Variants in FHIP2A observed in about 807,000 individuals in gnomAD.
The protein encoded by FHIP2A is family with sequence similarity 160 member B1.
FHIP2A carries 46 observed loss-of-function variants against 93.5 expected under a neutral mutation model. The observed-to-expected ratio is 0.49, with a 90% CI of 0.39 to 0.63. The LOEUF (loss-of-function observed/expected upper bound fraction) is 0.63. Ranked by LOEUF, FHIP2A falls within the 20% of genes least tolerant of loss-of-function variation. FHIP2A has a pLI of 0.00. For synonymous variants in FHIP2A, 332 were observed against 326.5 expected, an observed-to-expected ratio of 1.02 and a Z score of -0.18; for missense variants, 769 against 909.7, an observed-to-expected ratio of 0.85 and a Z score of 1.99.
At chr10:114,860,667 A>T (rs564978014) in intron 14 of FHIP2A, 82 bp from the exon 15 acceptor site, 8 of 1,213,870 alleles carry the variant, frequency 6.6e-6, no homozygotes, top group African/African-American at 3.0e-5. Context: ...CTCCTTTCTT[A>T]AAAGAACAAA....
chr10:114,880,099 C>T (rs2083909396), intron 16 of FHIP2A, among the ~76,000 whole-genome samples: 1 of 152,200 alleles, frequency 6.6e-6, no homozygotes, highest in Admixed American at 6.5e-5. Flanking sequence ...AACTCACACA[C>T]TTCACTATAC....
chr10:114,891,572 T>TGTGC (rs764864142), intron 16 of FHIP2A, among the ~76,000 whole-genome samples: 36 of 143,896 alleles, frequency 2.5e-4, no homozygotes, highest in African/African-American at 7.6e-4. Context: ...TGTGTGTGTG[T>TGTGC]GCACGCGTAT....
downstream of FHIP2A, chr10:114,864,795 A>T (rs2083820432): frequency 1.2e-5 from 8 of 662,394 alleles, no homozygotes; most frequent in Middle Eastern, 7.6e-4. Flanking sequence ...AACTTTTTGC[A>T]CCCCCAGCAC....
At chr10:114,886,125 C>T (rs938771154) in intron 16 of FHIP2A, among the ~76,000 whole-genome samples, 2 of 152,154 alleles carry the variant, frequency 1.3e-5, no homozygotes, top group East Asian at 3.8e-4. Context: ...GGAATTAACA[C>T]TTATGAAGAG....
At position 114,838,119 on chromosome 10, in the gene FHIP2A, A is replaced by G. The variant is rs2083646850; in HGVS notation, c.522+1873A>G. 2.0e-5 allele frequency among the ~76,000 whole-genome samples: 3 copies of G among 152,200 alleles called. No homozygotes were observed. The South Asian group carries it at 6.2e-4, about 32-fold the overall frequency. On this transcript the variant is annotated intron_variant, in intron 5 of 16. Coordinates refer to ENST00000369248, the MANE Select transcript of FHIP2A (RefSeq NM_020940.4). ...TTCCCAAGTGGCTTTGTCATTTTGC[A>G]TCCCATCAACAGTGTACGTGAGCTC...
In FHIP2A at chr10:114,846,757, A is replaced by G. The variant is rs753496756; in HGVS notation, c.1568+29A>G. The G allele has an allele frequency of 4.5e-6, 7 of 1,551,850 alleles. No homozygotes were observed. In the East Asian group the frequency reaches 1.1e-4, roughly 25 times the overall value. ...AGTTTCCATCCAACTCCGTGAGTTC[A>G]GCATTTCATGTAGAGATAGAACTTT... On this transcript the variant is annotated intron_variant, in intron 11 of 16. Coordinates refer to ENST00000369248, the MANE Select transcript of FHIP2A (RefSeq NM_020940.4).
chr10:114,847,014 C>T, intron 11 of FHIP2A, 76 bp from the exon 12 acceptor site: 1 of 1,274,476 alleles, frequency 7.8e-7, no homozygotes, highest in Middle Eastern at 1.9e-4. Flanking sequence ...TTTCTAAGAA[C>T]ATAGCAGAGA....
At chr10:114,853,656 A>G (rs1426570335) in intron 13 of FHIP2A, among the ~76,000 whole-genome samples, 2 of 152,252 alleles carry the variant, frequency 1.3e-5, no homozygotes, top group Admixed American at 1.3e-4. Flanking sequence ...GCTATAAGAA[A>G]TTATAAGTCA....
downstream of FHIP2A, among the ~76,000 whole-genome samples, chr10:114,868,153 T>C (rs571960113): frequency 2.6e-5 from 4 of 152,150 alleles, no homozygotes; most frequent in African/African-American, 7.2e-5. Flanking sequence ...TTTTATATGA[T>C]GACCTTCCTC....
At chr10:114,879,589 C>T (rs964108304) in intron 16 of FHIP2A, among the ~76,000 whole-genome samples, 2 of 152,136 alleles carry the variant, frequency 1.3e-5, no homozygotes, top group African/African-American at 4.8e-5. Context: ...AAGTGGCATT[C>T]CCCTTTCTTG....
chr10:114,823,744 C>T (rs1277411152), intron 1 of FHIP2A, among the ~76,000 whole-genome samples: 4 of 151,656 alleles, frequency 2.6e-5, no homozygotes, highest in African/African-American at 7.3e-5. Flanking sequence ...AGTGATCGCC[C>T]GCCTTGGCCT....
intron 16 of FHIP2A, among the ~76,000 whole-genome samples, chr10:114,896,600 C>G (rs577381666): frequency 5.3e-5 from 8 of 152,204 alleles, no homozygotes; most frequent in Non-Finnish European, 1.2e-4. Context: ...AGAATGCAAC[C>G]GTTTGTGTTT....
intron 2 of FHIP2A, among the ~76,000 whole-genome samples, chr10:114,832,440 T>C (rs996108861): frequency 3.3e-5 from 5 of 152,160 alleles, no homozygotes; most frequent in Admixed American, 3.3e-4. Flanking sequence ...AGTAACGTAG[T>C]AGCAATCCAA....
chr10:114,848,663 C>T lies in FHIP2A; in HGVS notation c.1729C>T (p.Pro577Ser). 1 of 1,609,724 alleles carries T rather than the reference C, an allele frequency of 6.2e-7. No individual in the cohort carries two copies. The highest frequency in any genetic ancestry group is 8.5e-7 in the Non-Finnish European group (1 of 1,177,318). The change falls in exon 13 of 17, where the codon CCG (proline) becomes TCG (serine). Residue 577 changes from proline (P) to serine (S), a missense_variant. Transcript: ENST00000369248. ...TCATTTAAGTTTTCTCTGTCTGGTACCGGATGACGCAAAATCCTCCTACCA... is the reference window on the plus strand; with the variant it reads ...TCATTTAAGTTTTCTCTGTCTGGTATCGGATGACGCAAAATCCTCCTACCA... ...KIVNSFLCLV[P>S]DDAKSSYHVE...
intron 13 of FHIP2A, 34 bp from the exon 14 acceptor site, chr10:114,855,163 T>C (rs1429684545): frequency 6.3e-7 from 1 of 1,582,932 alleles, no homozygotes; most frequent in East Asian, 2.2e-5. Flanking sequence ...TTTGTTTTTG[T>C]TCTTTAATGA....
intron 2 of FHIP2A, among the ~76,000 whole-genome samples, chr10:114,831,814 G>A (rs1477854783): frequency 6.6e-6 from 1 of 152,224 alleles, no homozygotes; most frequent in Non-Finnish European, 1.5e-5. Context: ...GAAAGTGACA[G>A]AGCCAAGATT....
chr10:114,841,586 A>G (rs968539254), intron 5 of FHIP2A, among the ~76,000 whole-genome samples: 4 of 152,148 alleles, frequency 2.6e-5, no homozygotes, highest in Admixed American at 6.5e-5. Context: ...CACCCGGCCA[A>G]TATGCCATTG....
At chr10:114,879,942 C>G (rs2083908620) in intron 16 of FHIP2A, among the ~76,000 whole-genome samples, 1 of 152,192 alleles carries the variant, frequency 6.6e-6, no homozygotes, top group Non-Finnish European at 1.5e-5. Context: ...TGCAGGTGCA[C>G]ACCATCATGC....
chr10:114,842,648 C>A (rs1447446715), intron 5 of FHIP2A, among the ~76,000 whole-genome samples: 1 of 151,788 alleles, frequency 6.6e-6, no homozygotes, highest in Non-Finnish European at 1.5e-5. Context: ...TCCTCACTAA[C>A]ATTAGTTGTT....
Sources: allele counts gnomAD v4.1 joint callset (sites outside exome capture counted in the v4.1 genomes callset), GRCh38; gene constraint gnomAD v4.1.1; transcripts MANE v1.5; gene names NCBI Gene and HGNC (gene_info 2026-07-23, HGNC 2026-07-21).